The following CDH4 variants were observed in gnomAD, a reference collection of about 807,000 sequenced individuals.
The protein encoded by CDH4 is cadherin 4, also known as cadherin-4.
CDH4 carries 33 observed loss-of-function variants against 86.0 expected under a neutral mutation model. The observed-to-expected ratio is 0.38, with a 90% CI of 0.29 to 0.51. CDH4 has a LOEUF of 0.51. CDH4 is among the 20% of genes least tolerant of loss of function. The probability of loss-of-function intolerance (pLI) is 0.86; values close to 1 mark genes in which losing one functional copy is unlikely to be tolerated. For synonymous variants in CDH4, 555 were observed against 549.4 expected, an observed-to-expected ratio of 1.01 and a Z score of -0.14; for missense variants, 1,114 against 1,307.4, an observed-to-expected ratio of 0.85 and a Z score of 2.28.
chr20:61,442,447 A>AT (rs1271390416), intron 2 of CDH4, among the ~76,000 whole-genome samples: 4 of 152,246 alleles, frequency 2.6e-5, no homozygotes, highest in African/African-American at 7.2e-5. Flanking sequence ...CTTTAAAAGA[A>AT]TAACAGATCG....
intron 2 of CDH4, among the ~76,000 whole-genome samples, chr20:61,320,329 C>A (rs1600863376): frequency 6.6e-6 from 1 of 152,224 alleles, no homozygotes; most frequent in South Asian, 2.1e-4. Context: ...GTGGGTCAGA[C>A]CCAGTGCTAG....
intron 2 of CDH4, among the ~76,000 whole-genome samples, chr20:61,444,507 G>A (rs1452459866): frequency 1.8e-5 from 2 of 112,904 alleles, no homozygotes; most frequent in Non-Finnish European, 3.7e-5. Flanking sequence ...GTATATTTGT[G>A]TGTTTCTGCG....
At chr20:61,699,528 G>A (rs1600888268) in intron 2 of CDH4, among the ~76,000 whole-genome samples, 1 of 148,488 alleles carries the variant, frequency 6.7e-6, no homozygotes, top group African/African-American at 2.4e-5. Flanking sequence ...CTGGCTCTCC[G>A]AGTTGTTGTC....
chr20:61,801,053 C>T (rs902454609), intron 4 of CDH4, among the ~76,000 whole-genome samples: 6 of 152,176 alleles, frequency 3.9e-5, no homozygotes, highest in African/African-American at 1.4e-4. Context: ...CACTGCAACC[C>T]CAGGCTTGGT....
intron 2 of CDH4, among the ~76,000 whole-genome samples, chr20:61,606,607 G>C (rs969527576): frequency 2.0e-5 from 3 of 152,236 alleles, no homozygotes; most frequent in African/African-American, 7.2e-5. Context: ...CCAGGAAGTG[G>C]GCAGATTTGC....
intron 2 of CDH4, among the ~76,000 whole-genome samples, chr20:61,575,463 G>T (rs150267963): frequency 3.3e-5 from 5 of 152,164 alleles, no homozygotes; most frequent in Admixed American, 2.6e-4. Context: ...CTATAATGGT[G>T]GTAGAAAGAC....
intron 13 of CDH4, 44 bp downstream of exon 13, chr20:61,929,886 A>T (rs2055087632): frequency 6.7e-7 from 1 of 1,492,896 alleles, no homozygotes; most frequent in East Asian, 2.3e-5. Context: ...CATTGTGGGT[A>T]TGAGTGCCCT....
intron 2 of CDH4, among the ~76,000 whole-genome samples, chr20:61,596,588 A>C (rs1224642903): frequency 1.3e-5 from 2 of 152,212 alleles, no homozygotes; most frequent in Non-Finnish European, 2.9e-5. Flanking sequence ...CCCTGGCTGT[A>C]ATAGAAACAG....
chr20:61,793,696 T>C (rs968424481), intron 4 of CDH4, among the ~76,000 whole-genome samples: 30 of 151,366 alleles, frequency 2.0e-4, no homozygotes, highest in African/African-American at 2.7e-4. Flanking sequence ...AAAAATTAGC[T>C]GGGCATGGTG....
intron 2 of CDH4, among the ~76,000 whole-genome samples, chr20:61,364,296 G>T (rs1454920341): frequency 6.6e-6 from 1 of 152,192 alleles, no homozygotes; most frequent in Non-Finnish European, 1.5e-5. Context: ...AGCCGTGGGG[G>T]TGGAGCCATT....
chr20:61,873,156 G>A (rs1049485132), intron 6 of CDH4, among the ~76,000 whole-genome samples: 10 of 152,184 alleles, frequency 6.6e-5, no homozygotes, highest in African/African-American at 1.2e-4. Context: ...GTCCCAGGGC[G>A]CCCCCAGATG....
At position 61,709,735 on chromosome 20, in the gene CDH4, C is replaced by T. The variant is rs190348471; in HGVS notation, c.170-33828C>T. Reference sequence around the variant, plus strand: ...GATGCTCCACTCTACACACTTGCCACGTCCCCTGGTCCTCACGAAGCCCAA... The same window carrying T: ...GATGCTCCACTCTACACACTTGCCATGTCCCCTGGTCCTCACGAAGCCCAA... On this transcript the variant is annotated intron_variant, in intron 2 of 15. Transcript: ENST00000614565. This position sits in a 1 kb window ranked among gnomAD's most constrained non-coding sequence, Gnocchi z 4.8. Among the ~76,000 whole-genome samples, 9 of 152,256 alleles carry T rather than the reference C, an allele frequency of 5.9e-5. No individual in the cohort carries two copies. In the South Asian group the frequency reaches 1.2e-3, roughly 21 times the overall value.
In CDH4 at chr20:61,383,413, TGA is replaced by T. The variant is rs1491103299; in HGVS notation, c.169+128477_169+128478del. ...AATATATGATATATATGAATATATA[TGA>T]TATATATGATATATATCATATATGA... On this transcript the variant is annotated intron_variant, in intron 2 of 15. Transcript: ENST00000614565. Among the ~76,000 whole-genome samples, 3 of 103,324 alleles carry T rather than the reference TGA, an allele frequency of 2.9e-5. 1 individual carries two copies. Among genetic ancestry groups the T allele is most frequent in the African/African-American group, 4.4e-5 (1 of 22,632 alleles). The allele number at this position is 103,324 out of a possible 152,430, so 67.8% of individuals were successfully genotyped here.
In CDH4 at chr20:61,296,691, G is replaced by A. The variant is rs148407307; in HGVS notation, c.169+41754G>A. Among the ~76,000 whole-genome samples, 1,260 of 152,266 alleles carry A rather than the reference G, an allele frequency of 8.3e-3. 14 individuals are homozygous for A. The highest frequency in any genetic ancestry group is 0.029 in the African/African-American group (1,211 of 41,546). ...GTTCACCATGCCACACGAAACTGGT[G>A]TCCCAGGTTTGAGAAGCGTGTTCTG... On this transcript the variant is annotated intron_variant, in intron 2 of 15. Transcript: ENST00000614565.
At chr20:61,909,863 A>G (rs964911121) in intron 8 of CDH4, among the ~76,000 whole-genome samples, 13 of 152,202 alleles carry the variant, frequency 8.5e-5, no homozygotes, top group Non-Finnish European at 1.6e-4. Context: ...CAACCAGTAC[A>G]GGTGGAAACT....
At chr20:61,486,542 G>A (rs986726147) in intron 2 of CDH4, among the ~76,000 whole-genome samples, 1 of 152,194 alleles carries the variant, frequency 6.6e-6, no homozygotes, top group Non-Finnish European at 1.5e-5. Context: ...TTTAACCATC[G>A]TTGGAAATAA....
intron 13 of CDH4, among the ~76,000 whole-genome samples, chr20:61,930,517 A>C (rs763316065): frequency 6.6e-6 from 1 of 151,860 alleles, no homozygotes; most frequent in Non-Finnish European, 1.5e-5. Flanking sequence ...CAGGGCGGGG[A>C]AGGGTTGGGC....
chr20:61,681,591 T>C lies in CDH4; in HGVS notation c.170-61972T>C, dbSNP rs1345760959. 6.6e-6 allele frequency among the ~76,000 whole-genome samples: 1 copy of C among 152,180 alleles called. No homozygotes were observed. The highest frequency in any genetic ancestry group is 2.4e-5 in the African/African-American group (1 of 41,430). On this transcript the variant is annotated intron_variant, in intron 2 of 15. Coordinates refer to ENST00000614565, the MANE Select transcript of CDH4 (RefSeq NM_001794.5). The surrounding 1 kb of genome is among the most constrained non-coding windows in gnomAD (Gnocchi z 4.5). ...GGGGTAGGAGAAAAAGGGGGCATCA[T>C]CTAGCAGCTGGGAGGAGTCTCAGGA...
In CDH4 at chr20:61,698,205, G is replaced by A. The variant is rs561925944; in HGVS notation, c.170-45358G>A. Reference sequence around the variant, plus strand: ...GTCCCTGAGACTCTCCCGCCCTCACGCCTGCTCTCTAAGCCAAGCACAAAG... The same window carrying A: ...GTCCCTGAGACTCTCCCGCCCTCACACCTGCTCTCTAAGCCAAGCACAAAG... On this transcript the variant is annotated intron_variant, in intron 2 of 15. Coordinates refer to ENST00000614565, the MANE Select transcript of CDH4 (RefSeq NM_001794.5). 2.7e-4 allele frequency among the ~76,000 whole-genome samples: 41 copies of A among 152,308 alleles called. No individual in the cohort carries two copies. The South Asian group carries it at 7.7e-3, about 29-fold the overall frequency.
Sources: gnomAD v4.1 joint callset for allele counts (sites outside exome capture counted in the v4.1 genomes callset) on GRCh38, gnomAD v4.1.1 for gene constraint, Gnocchi (gnomAD v3.1) non-coding constraint, MANE v1.5 for transcripts, NCBI Gene and HGNC (gene_info 2026-07-23, HGNC 2026-07-21) for gene names.